Variants in MGAT4C observed in about 807,000 individuals in gnomAD.
MGAT4C encodes alpha-1,3-mannosyl-glycoprotein 4-beta-N-acetylglucosaminyltransferase C.
In MGAT4C, 19 loss-of-function variants were observed where a neutral mutation model predicts 40.1. That is an observed-to-expected ratio of 0.47 (90% CI 0.33 to 0.70). MGAT4C has a LOEUF of 0.70. Among genes scored for constraint, MGAT4C ranks in the 30% least tolerant of loss-of-function variants. The pLI, the probability that MGAT4C is intolerant of heterozygous loss-of-function variation, is 0.02. For missense variants in MGAT4C, 491 were observed against 563.2 expected (o/e 0.87, Z 1.30); for synonymous variants, 181 against 187.1 (o/e 0.97, Z 0.27).
At chr12:86,268,724 C>CATATATAT (rs1952856911) in intron 4 of MGAT4C, among the ~76,000 whole-genome samples, 2 of 127,998 alleles carry the variant, frequency 1.6e-5, no homozygotes, top group Non-Finnish European at 3.7e-5. Context: ...CACATACACA[C>CATATATAT]ACACATACAT....
intron 2 of MGAT4C, among the ~76,000 whole-genome samples, chr12:85,992,172 T>C (rs1241638263): frequency 1.3e-5 from 2 of 152,192 alleles, no homozygotes; most frequent in Admixed American, 6.5e-5. Context: ...ATACTGGACA[T>C]TTGTCAGTCA....
chr12:86,297,049 A>G (rs905103187), intron 4 of MGAT4C, among the ~76,000 whole-genome samples: 2 of 152,252 alleles, frequency 1.3e-5, no homozygotes, highest in African/African-American at 4.8e-5. Context: ...GGAAAAGAAA[A>G]TATTTCCCTA....
At chr12:86,139,727 T>C (rs1227266500) in intron 1 of MGAT4C, among the ~76,000 whole-genome samples, 5 of 152,042 alleles carry the variant, frequency 3.3e-5, no homozygotes, top group Non-Finnish European at 4.4e-5. Context: ...TAAATAAGAA[T>C]AGAAAAAAAA....
chr12:86,086,466 T>G (rs1404673312), intron 1 of MGAT4C, among the ~76,000 whole-genome samples: 1 of 151,998 alleles, frequency 6.6e-6, no homozygotes, highest in Non-Finnish European at 1.5e-5. Context: ...AGCAAACCCC[T>G]ATGGCACATG....
chr12:86,149,669 A>G (rs1190835477), intron 1 of MGAT4C, among the ~76,000 whole-genome samples: 3 of 152,208 alleles, frequency 2.0e-5, no homozygotes, highest in Admixed American at 6.5e-5. Context: ...GAAATTATCT[A>G]AAGTAGATAC....
At chr12:86,275,419 T>A (rs1271649057) in intron 4 of MGAT4C, among the ~76,000 whole-genome samples, 1 of 152,174 alleles carries the variant, frequency 6.6e-6, no homozygotes, top group African/African-American at 2.4e-5. Flanking sequence ...AAATAATGAA[T>A]GTTAAGCAAT....
intron 2 of MGAT4C, among the ~76,000 whole-genome samples, chr12:86,570,595 G>C (rs1020178831): frequency 1.3e-4 from 20 of 152,084 alleles, no homozygotes; most frequent in Admixed American, 1.2e-3. Context: ...AGGTGAAAAA[G>C]TGGCGGGGGA....
intron 2 of MGAT4C, among the ~76,000 whole-genome samples, chr12:86,511,980 T>A (rs1358647106): frequency 6.6e-6 from 1 of 151,980 alleles, no homozygotes; most frequent in Non-Finnish European, 1.5e-5. Flanking sequence ...GGAGAAAATA[T>A]TTGCAATCCA....
At chr12:86,121,134 G>A (rs536825204) in intron 1 of MGAT4C, among the ~76,000 whole-genome samples, 1 of 152,286 alleles carries the variant, frequency 6.6e-6, no homozygotes, top group African/African-American at 2.4e-5. Flanking sequence ...TCAAATGGAA[G>A]AAAGAGTATC....
At chr12:86,759,733 T>C (rs1027400137) in intron 1 of MGAT4C, among the ~76,000 whole-genome samples, 2 of 152,122 alleles carry the variant, frequency 1.3e-5, no homozygotes, top group Non-Finnish European at 2.9e-5. Context: ...ACAGGTTTTT[T>C]TGTATGTGTG....
intron 1 of MGAT4C, among the ~76,000 whole-genome samples, chr12:86,148,495 A>G (rs931245629): frequency 1.3e-5 from 2 of 152,188 alleles, no homozygotes; most frequent in African/African-American, 4.8e-5. Context: ...GACCAAATGT[A>G]CCTACTGTGT....
chr12:86,598,421 T>G (rs1251006998), intron 2 of MGAT4C, among the ~76,000 whole-genome samples: 2 of 152,132 alleles, frequency 1.3e-5, no homozygotes, highest in African/African-American at 4.8e-5. Flanking sequence ...ATAATACTTC[T>G]TCCACCTATT....
At chr12:86,741,547 A>C (rs1593166184) in intron 1 of MGAT4C, among the ~76,000 whole-genome samples, 1 of 151,426 alleles carries the variant, frequency 6.6e-6, no homozygotes, top group East Asian at 1.9e-4. Context: ...AGTTATCTGA[A>C]GTGTAAGTAA....
intron 2 of MGAT4C, among the ~76,000 whole-genome samples, chr12:86,529,683 T>C (rs1347633593): frequency 1.3e-5 from 2 of 152,060 alleles, no homozygotes; most frequent in Non-Finnish European, 1.5e-5. Context: ...TTTCCTTTTT[T>C]TTATGTTTCC....
chr12:86,419,693 T>A (rs1956785115), intron 3 of MGAT4C, among the ~76,000 whole-genome samples: 3 of 152,134 alleles, frequency 2.0e-5, no homozygotes, highest in African/African-American at 7.2e-5. Context: ...GACAAGGCCA[T>A]TTCACTTCAT....
intron 2 of MGAT4C, among the ~76,000 whole-genome samples, chr12:86,488,569 T>C (rs1958069991): frequency 6.6e-6 from 1 of 152,192 alleles, no homozygotes. Flanking sequence ...CTGTCCTTTA[T>C]ATATTTCACT....
intron 3 of MGAT4C, among the ~76,000 whole-genome samples, chr12:86,337,184 C>CTATA (rs1357366962): frequency 6.6e-6 from 1 of 151,894 alleles, no homozygotes; most frequent in Non-Finnish European, 1.5e-5. Context: ...TACACATATA[C>CTATA]TATATACTAG....
intron 2 of MGAT4C, among the ~76,000 whole-genome samples, chr12:86,715,557 G>T (rs535762048): frequency 6.6e-6 from 1 of 152,110 alleles, no homozygotes; most frequent in South Asian, 2.1e-4. Flanking sequence ...TGTGGTTTGT[G>T]CAAACATCAA....
chr12:86,548,499 T>C (rs1018453324), intron 2 of MGAT4C, among the ~76,000 whole-genome samples: 11 of 152,274 alleles, frequency 7.2e-5, no homozygotes, highest in South Asian at 4.1e-4. Context: ...AATTCCCGTT[T>C]ACGCAGGCTT....
Sources: allele counts gnomAD v4.1 joint callset (sites outside exome capture counted in the v4.1 genomes callset), GRCh38; gene constraint gnomAD v4.1.1; transcripts MANE v1.5; gene names NCBI Gene and HGNC (gene_info 2026-07-23, HGNC 2026-07-21).